Variants in DCC observed in about 807,000 individuals in gnomAD.
DCC encodes netrin receptor DCC.
DCC carries 58 observed loss-of-function variants against 172.5 expected under a neutral mutation model. That is an observed-to-expected ratio of 0.34 (90% CI 0.27 to 0.42). The LOEUF (loss-of-function observed/expected upper bound fraction) is 0.42, where lower values mean the gene tolerates loss of function less well. DCC is among the 10% of genes least tolerant of loss of function. The pLI is 1.00. For synonymous variants in DCC, 709 were observed against 644.5 expected (o/e 1.10, Z -1.52); for missense variants, 1,740 against 1,791.0 (o/e 0.97, Z 0.51).
At chr18:52,642,906 G>C (rs955082458) in intron 1 of DCC, among the ~76,000 whole-genome samples, 1 of 152,144 alleles carries the variant, frequency 6.6e-6, no homozygotes, top group African/African-American at 2.4e-5. Flanking sequence ...TCAAGCCTTG[G>C]TCTCCCAAAG....
chr18:53,466,450 T>G (rs181993112), intron 24 of DCC, among the ~76,000 whole-genome samples: 1 of 152,342 alleles, frequency 6.6e-6, no homozygotes, highest in Admixed American at 6.5e-5. Context: ...TTTCTCTTTG[T>G]ACTTACAGGA....
intron 12 of DCC, among the ~76,000 whole-genome samples, chr18:53,303,852 G>C (rs923761964): frequency 2.6e-5 from 4 of 152,164 alleles, no homozygotes; most frequent in Admixed American, 2.6e-4. Context: ...CAGCATCCAG[G>C]AAGAATCAGG....
chr18:53,297,299 A>G (rs562773466), intron 12 of DCC, among the ~76,000 whole-genome samples: 2 of 152,280 alleles, frequency 1.3e-5, no homozygotes, highest in South Asian at 4.1e-4. Context: ...GTTTTAAATC[A>G]ATTAACTCTT....
intron 9 of DCC, among the ~76,000 whole-genome samples, chr18:53,195,518 T>A (rs2055430296): frequency 6.6e-6 from 1 of 152,178 alleles, no homozygotes; most frequent in Admixed American, 6.5e-5. Flanking sequence ...AAATGTGCGA[T>A]CATTAATTTA....
chr18:52,846,045 CA>C (rs543510368), intron 2 of DCC, among the ~76,000 whole-genome samples: 60 of 152,324 alleles, frequency 3.9e-4, no homozygotes, highest in Middle Eastern at 6.8e-3. Flanking sequence ...TTAATAGAAG[CA>C]ATGGTAAATG....
chr18:53,106,025 A>C (rs1236583223), intron 7 of DCC, among the ~76,000 whole-genome samples: 1 of 151,396 alleles, frequency 6.6e-6, no homozygotes, highest in Non-Finnish European at 1.5e-5. Flanking sequence ...GCTTTACTCG[A>C]TCTCTGTCAT....
intron 2 of DCC, among the ~76,000 whole-genome samples, chr18:52,761,711 C>T (rs2037162343): frequency 6.6e-6 from 1 of 151,898 alleles, no homozygotes; most frequent in Non-Finnish European, 1.5e-5. Flanking sequence ...TGGAAGTTTC[C>T]TGTTAAAAGA....
intron 2 of DCC, among the ~76,000 whole-genome samples, chr18:52,759,315 T>A (rs1311375139): frequency 6.6e-6 from 1 of 152,152 alleles, no homozygotes; most frequent in African/African-American, 2.4e-5. Flanking sequence ...CTGAAAAATA[T>A]GCAGAGTGAA....
intron 2 of DCC, among the ~76,000 whole-genome samples, chr18:52,897,126 G>A (rs1366235318): frequency 6.6e-6 from 1 of 152,166 alleles, no homozygotes; most frequent in Non-Finnish European, 1.5e-5. Context: ...GGGATTATAG[G>A]AGTCCCCAAA....
intron 5 of DCC, among the ~76,000 whole-genome samples, chr18:52,968,331 G>A (rs2145581089): frequency 6.6e-6 from 1 of 152,262 alleles, no homozygotes; most frequent in Middle Eastern, 3.4e-3. Flanking sequence ...GCATCAGGCA[G>A]GGACTAAGGA....
intron 1 of DCC, among the ~76,000 whole-genome samples, chr18:52,565,611 A>C (rs1199044114): frequency 6.6e-6 from 1 of 152,056 alleles, no homozygotes; most frequent in Non-Finnish European, 1.5e-5. Context: ...GCTCTTTTTC[A>C]TATGTTTGTT....
chr18:52,766,029 C>A (rs147939014), intron 2 of DCC, among the ~76,000 whole-genome samples: 81 of 152,288 alleles, frequency 5.3e-4, no homozygotes, highest in African/African-American at 1.4e-3. Flanking sequence ...TTACTCAGCC[C>A]ACTGCTCTCA....
chr18:53,235,986 A>G (rs1208783950), intron 12 of DCC, among the ~76,000 whole-genome samples: 1 of 152,188 alleles, frequency 6.6e-6, no homozygotes, highest in Non-Finnish European at 1.5e-5. Context: ...GATACACCAA[A>G]GCATCTTTGA....
At chr18:52,796,015 T>C (rs1471221294) in intron 2 of DCC, among the ~76,000 whole-genome samples, 1 of 151,918 alleles carries the variant, frequency 6.6e-6, no homozygotes, top group Non-Finnish European at 1.5e-5. Context: ...TATATGACCT[T>C]GTCTCTTCAG....
intron 2 of DCC, among the ~76,000 whole-genome samples, chr18:52,846,608 AACACACACACACACAC>A (rs71175524): frequency 4.0e-4 from 52 of 130,584 alleles, no homozygotes; most frequent in Admixed American, 1.2e-3. Context: ...TGCCACTCCA[AACACACACACACACAC>A]ACACACACAC....
chr18:52,516,599 A>T (rs1315704125), intron 1 of DCC, among the ~76,000 whole-genome samples: 1 of 152,376 alleles, frequency 6.6e-6, no homozygotes, highest in Non-Finnish European at 1.5e-5. Context: ...AATGAAAAAG[A>T]TAAGATAAAG....
At chr18:52,706,835 G>T (rs2036219774) in intron 1 of DCC, among the ~76,000 whole-genome samples, 1 of 152,166 alleles carries the variant, frequency 6.6e-6, no homozygotes, top group African/African-American at 2.4e-5. Context: ...TGAGAGTTGT[G>T]CTATGATAAG....
chr18:52,633,100 T>C (rs1400242941), intron 1 of DCC, among the ~76,000 whole-genome samples: 1 of 149,656 alleles, frequency 6.7e-6, no homozygotes, highest in Non-Finnish European at 1.5e-5. Flanking sequence ...AGTTTGTTCA[T>C]TCTTTCTCTT....
chr18:53,245,019 A>G (rs2056348880), intron 12 of DCC, among the ~76,000 whole-genome samples: 1 of 152,076 alleles, frequency 6.6e-6, no homozygotes. Flanking sequence ...GTGATCTTTA[A>G]ATTTTCTCAC....
Sources: allele counts gnomAD v4.1 joint callset (sites outside exome capture counted in the v4.1 genomes callset), GRCh38; gene constraint gnomAD v4.1.1; transcripts MANE v1.5; gene names NCBI Gene and HGNC (gene_info 2026-07-23, HGNC 2026-07-21).